BABAM2: variants seen among roughly 807,000 people sequenced by gnomAD.
The protein encoded by BABAM2 is BRISC and BRCA1-A complex member 2.
Under a neutral mutation model 54.7 loss-of-function variants are expected in BABAM2, and 31 were observed. The observed-to-expected ratio is 0.57, with a 90% CI of 0.43 to 0.77. BABAM2 has a LOEUF of 0.77. Among genes scored for constraint, BABAM2 ranks in the 30% least tolerant of loss-of-function variants. BABAM2 has a pLI of 0.00. For missense variants in BABAM2, 364 were observed against 455.8 expected, an observed-to-expected ratio of 0.80 and a Z score of 1.83; for synonymous variants, 167 against 162.9, an observed-to-expected ratio of 1.03 and a Z score of -0.19.
intron 2 of BABAM2, among the ~76,000 whole-genome samples, chr2:27,900,814 C>T (rs1184253667): frequency 2.0e-5 from 3 of 152,010 alleles, no homozygotes; most frequent in South Asian, 2.1e-4. Flanking sequence ...GAGGCCGAGG[C>T]GGGCATATCA....
In BABAM2 at chr2:28,134,844, T is replaced by C. The variant is rs913265915; in HGVS notation, c.680+5464T>C. 7.2e-5 allele frequency among the ~76,000 whole-genome samples: 11 copies of C among 152,182 alleles called. No individual in the cohort carries two copies. In the East Asian group the frequency reaches 2.1e-3, roughly 29 times the overall value. On this transcript the variant is annotated intron_variant, in intron 7 of 11. Coordinates refer to ENST00000379624, the MANE Select transcript of BABAM2 (RefSeq NM_199191.3). ...GCTCATCTCCTTAATTTCCTCAAAG[T>C]AAGAGGGATCAGAACAAATATGGCA...
intron 3 of BABAM2, among the ~76,000 whole-genome samples, chr2:27,983,228 T>A (rs1372529987): frequency 6.6e-6 from 1 of 152,032 alleles, no homozygotes; most frequent in Non-Finnish European, 1.5e-5. Context: ...ATGAAAATAC[T>A]TTTTTGCCCC....
intron 6 of BABAM2, among the ~76,000 whole-genome samples, chr2:28,077,026 A>G (rs1279489960): frequency 6.6e-6 from 1 of 152,170 alleles, no homozygotes; most frequent in Non-Finnish European, 1.5e-5. Flanking sequence ...ATCTGTAAAT[A>G]TTCTCTCAAA....
upstream of BABAM2, among the ~76,000 whole-genome samples, chr2:27,889,157 G>T (rs896053930): frequency 5.9e-5 from 9 of 152,102 alleles, no homozygotes; most frequent in Admixed American, 4.6e-4. Context: ...TGGAAATTTG[G>T]TAACACAGCT....
At chr2:28,291,402 G>A (rs1157630718) in intron 10 of BABAM2, among the ~76,000 whole-genome samples, 1 of 152,162 alleles carries the variant, frequency 6.6e-6, no homozygotes, top group Non-Finnish European at 1.5e-5. Context: ...AGACCAGCCT[G>A]GGCAACATGG....
At chr2:27,992,946 A>G (rs1267002006) in intron 4 of BABAM2, among the ~76,000 whole-genome samples, 2 of 152,144 alleles carry the variant, frequency 1.3e-5, no homozygotes, top group Non-Finnish European at 2.9e-5. Flanking sequence ...TCATTATATC[A>G]GAGAGGCTTT....
upstream of BABAM2, chr2:27,889,967 T>C (rs1664682489): frequency 9.2e-6 from 3 of 324,854 alleles, no homozygotes; most frequent in East Asian, 5.0e-5. Context: ...AGAAAGGTCT[T>C]TGGGGGCGCA....
At chr2:27,905,691 A>G (rs2148290378) in intron 2 of BABAM2, among the ~76,000 whole-genome samples, 1 of 152,300 alleles carries the variant, frequency 6.6e-6, no homozygotes, top group Non-Finnish European at 1.5e-5. Context: ...AACAGGAACT[A>G]TTGAATAAGA....
At chr2:27,930,003 A>T (rs774366503) in intron 3 of BABAM2, 95 bp downstream of exon 3, 14 of 1,120,066 alleles carry the variant, frequency 1.2e-5, no homozygotes, top group Non-Finnish European at 1.7e-5. Context: ...GTTAGTTGTT[A>T]TCTCCTAAGA....
chr2:28,155,981 C>G (rs1215402667), intron 7 of BABAM2, among the ~76,000 whole-genome samples: 1 of 152,134 alleles, frequency 6.6e-6, no homozygotes, highest in Non-Finnish European at 1.5e-5. Context: ...ACTAGATCAC[C>G]TCCTCTGTGT....
At chr2:27,991,497 C>G (rs779962323) in intron 4 of BABAM2, among the ~76,000 whole-genome samples, 2 of 152,176 alleles carry the variant, frequency 1.3e-5, no homozygotes, top group African/African-American at 4.8e-5. Flanking sequence ...AAATTTAGAA[C>G]CTTGTCATAA....
rs927108822 is a variant in BABAM2, at chr2:28,140,383, G to A, written c.680+11003G>A. ...ATTAATGTCAAAACCTTTTATATGG[G>A]CATAGGAGAAGCGCTTGACTACAAA... is the stretch of plus-strand genomic sequence containing the variant. On this transcript the variant is annotated intron_variant, in intron 7 of 11. Coordinates refer to ENST00000379624, the MANE Select transcript of BABAM2 (RefSeq NM_199191.3). 3.9e-5 allele frequency among the ~76,000 whole-genome samples: 6 copies of A among 152,226 alleles called. 1 individual carries two copies. The highest frequency in any genetic ancestry group is 1.3e-4 in the Admixed American group (2 of 15,290).
intron 4 of BABAM2, among the ~76,000 whole-genome samples, chr2:28,011,083 C>A (rs1674356645): frequency 6.6e-6 from 1 of 152,116 alleles, no homozygotes; most frequent in Admixed American, 6.6e-5. Context: ...TGGAGGTTCC[C>A]ACTCAAAACT....
At chr2:27,968,675 C>T (rs901438639) in intron 3 of BABAM2, among the ~76,000 whole-genome samples, 25 of 152,304 alleles carry the variant, frequency 1.6e-4, no homozygotes, top group South Asian at 1.2e-3. Context: ...GCTGGGAGGA[C>T]GGCTGTACCC....
intron 3 of BABAM2, among the ~76,000 whole-genome samples, chr2:27,973,014 C>T (rs192583111): frequency 2.6e-5 from 4 of 151,760 alleles, no homozygotes; most frequent in Admixed American, 1.3e-4. Context: ...ATGATCCGCC[C>T]GCCTCGGCCT....
At chr2:27,933,772 T>TG (rs1239705516) in intron 3 of BABAM2, among the ~76,000 whole-genome samples, 165 of 145,538 alleles carry the variant, frequency 1.1e-3, no homozygotes, top group East Asian at 2.6e-3. Flanking sequence ...TTGTTTTTTT[T>TG]TTTTTTTTTT....
At chr2:28,056,150 G>A (rs921118092) in intron 6 of BABAM2, among the ~76,000 whole-genome samples, 2 of 152,150 alleles carry the variant, frequency 1.3e-5, no homozygotes, top group Admixed American at 6.5e-5. Flanking sequence ...CAGAGGGTAC[G>A]AAGAGCACCT....
At chr2:27,957,572 C>A (rs1460252798) in intron 3 of BABAM2, among the ~76,000 whole-genome samples, 1 of 152,130 alleles carries the variant, frequency 6.6e-6, no homozygotes, top group Non-Finnish European at 1.5e-5. Context: ...CTACTCTAGA[C>A]AGCACTAAGA....
At chr2:28,221,702 A>G (rs1395754347) in intron 7 of BABAM2, among the ~76,000 whole-genome samples, 1 of 152,114 alleles carries the variant, frequency 6.6e-6, no homozygotes, top group Admixed American at 6.5e-5. Context: ...TGTCGTTTAC[A>G]TTTGTGATTT....
Sources: gnomAD v4.1 joint callset for allele counts (sites outside exome capture counted in the v4.1 genomes callset) on GRCh38, gnomAD v4.1.1 for gene constraint, MANE v1.5 for transcripts, NCBI Gene and HGNC (gene_info 2026-07-23, HGNC 2026-07-21) for gene names.